The following RBFOX1 variants were observed in gnomAD, a reference collection of about 807,000 sequenced individuals.
RBFOX1 encodes RNA binding protein fox-1 homolog 1.
A neutral mutation model predicts 57.7 loss-of-function variants in RBFOX1; 8 were observed. The observed-to-expected ratio is 0.14, with a 90% CI of 0.08 to 0.25. The LOEUF is 0.25. RBFOX1 is among the 10% of genes least tolerant of loss of function. The pLI is 1.00. For synonymous variants in RBFOX1, 326 were observed against 222.4 expected, an observed-to-expected ratio of 1.47 and a Z score of -4.15; for missense variants, 611 against 548.5, an observed-to-expected ratio of 1.11 and a Z score of -1.14.
In RBFOX1 at chr16:6,756,752, A is replaced by G. The variant is rs182994917; in HGVS notation, c.-16+102102A>G. On this transcript the variant is annotated intron_variant, in intron 3 of 15. Coordinates refer to ENST00000550418, the MANE Select transcript of RBFOX1 (RefSeq NM_018723.4). ...TTTGGGAGGCTGAGGCAGGGGGGTC[A>G]TGTGAGGTCAGGAGTTCGAGACCAG... 3.8e-3 allele frequency among the ~76,000 whole-genome samples: 584 copies of G among 152,212 alleles called. 2 individuals carry two copies. The highest frequency in any genetic ancestry group is 0.013 in the African/African-American group (550 of 41,540).
At chr16:5,908,297 TATATACACAC>T (rs2058524477) in intron 4 of RBFOX1, among the ~76,000 whole-genome samples, 1 of 143,794 alleles carries the variant, frequency 7.0e-6, no homozygotes, top group African/African-American at 2.7e-5. Context: ...TACACATATA[TATATACACAC>T]ATATATACAC....
rs559157963 is a variant in RBFOX1 at position 6,287,293 on chromosome 16, G to C, written c.-126-29702G>C. Among the ~76,000 whole-genome samples the C allele has an allele frequency of 4.6e-5, 7 of 152,308 alleles. No homozygotes were observed. In the South Asian group the frequency reaches 1.2e-3, roughly 27 times the overall value. The stretch of plus-strand genomic sequence containing the variant: ...TGGCCAACGAGTGCCACCAAAAATA[G>C]TCATGGTGTTGCCAGCTCTATCTTG... On this transcript the variant is annotated intron_variant, in intron 1 of 15. Transcript: ENST00000550418.
At chr16:7,005,247 C>T (rs1035386714) in intron 3 of RBFOX1, among the ~76,000 whole-genome samples, 3 of 152,164 alleles carry the variant, frequency 2.0e-5, no homozygotes, top group Non-Finnish European at 4.4e-5. Flanking sequence ...GTGCTAATAG[C>T]TTTCCCCTTA....
intron 5 of RBFOX1, among the ~76,000 whole-genome samples, chr16:7,566,394 A>G (rs975966281): frequency 1.3e-4 from 20 of 152,164 alleles, no homozygotes; most frequent in Non-Finnish European, 2.5e-4. Context: ...TGTACTTTGC[A>G]GCTGCTCTAC....
chr16:6,651,964 A>G (rs954080992), intron 2 of RBFOX1, among the ~76,000 whole-genome samples: 6 of 152,222 alleles, frequency 3.9e-5, no homozygotes, highest in Admixed American at 2.6e-4. Flanking sequence ...TAAGCCAGGC[A>G]CAGAAGGACA....
intron 3 of RBFOX1, among the ~76,000 whole-genome samples, chr16:6,819,736 A>AAAC (rs2090928570): frequency 1.3e-5 from 1 of 78,468 alleles, no homozygotes; most frequent in East Asian, 3.7e-4. Context: ...AAAAAATAAC[A>AAAC]ACACCAAAAG....
At chr16:5,410,569 G>A (rs1489040509) in intron 1 of RBFOX1, among the ~76,000 whole-genome samples, 2 of 152,200 alleles carry the variant, frequency 1.3e-5, no homozygotes, top group East Asian at 3.9e-4. Flanking sequence ...CATTCCTGCA[G>A]GAGAAACGTC....
intron 4 of RBFOX1, among the ~76,000 whole-genome samples, chr16:7,439,155 T>C (rs1224681635): frequency 6.6e-6 from 1 of 152,174 alleles, no homozygotes; most frequent in Admixed American, 6.5e-5. Flanking sequence ...AAGTCTTCTT[T>C]ACGCAGGCCT....
At chr16:5,404,852 C>A (rs555090215) in intron 1 of RBFOX1, among the ~76,000 whole-genome samples, 5 of 152,278 alleles carry the variant, frequency 3.3e-5, no homozygotes, top group African/African-American at 9.6e-5. Context: ...AGCCATGAAA[C>A]CACCAAAGTC....
rs111265531 is a variant in RBFOX1, at chr16:6,270,101, A to G, written c.-126-46894A>G. On this transcript the variant is annotated intron_variant, in intron 1 of 15. Transcript: ENST00000550418. ...AAAAGGAGATTCACTCAAACAGACT[A>G]TAGGCAAATTAAAATTTAATTATGA... Among the ~76,000 whole-genome samples, 1,150 of 152,268 alleles carry G rather than the reference A, an allele frequency of 7.6e-3. 14 individuals carry two copies. Among genetic ancestry groups the G allele is most frequent in the African/African-American group, 0.025 (1,056 of 41,564 alleles).
chr16:5,595,682 C>T (rs1567274559), intron 2 of RBFOX1, among the ~76,000 whole-genome samples: 1 of 152,198 alleles, frequency 6.6e-6, no homozygotes, highest in Admixed American at 6.5e-5. Context: ...CAGTATCAGA[C>T]AGCCACTACC....
chr16:6,831,048 T>G (rs907180461), intron 3 of RBFOX1, among the ~76,000 whole-genome samples: 1 of 152,256 alleles, frequency 6.6e-6, no homozygotes, highest in Non-Finnish European at 1.5e-5. Flanking sequence ...TCACTCTTTT[T>G]GCTCTAATCA....
chr16:5,974,111 G>GAAT, intron 4 of RBFOX1, among the ~76,000 whole-genome samples: 1 of 152,216 alleles, frequency 6.6e-6, no homozygotes, highest in East Asian at 1.9e-4. Context: ...AGCCCAGTGA[G>GAAT]AATAGAATAC....
intron 1 of RBFOX1, among the ~76,000 whole-genome samples, chr16:6,093,196 T>G (rs1342127773): frequency 6.6e-6 from 1 of 152,174 alleles, no homozygotes; most frequent in Non-Finnish European, 1.5e-5. Flanking sequence ...GGAGATGAGT[T>G]TAAGTCCTCA....
intron 3 of RBFOX1, among the ~76,000 whole-genome samples, chr16:6,743,363 C>G (rs1245090517): frequency 1.3e-5 from 2 of 152,126 alleles, no homozygotes; most frequent in African/African-American, 2.4e-5. Flanking sequence ...ATACTCAGTT[C>G]AAAGGCAGAG....
At chr16:7,155,864 G>C (rs750188642) in intron 4 of RBFOX1, among the ~76,000 whole-genome samples, 1 of 151,228 alleles carries the variant, frequency 6.6e-6, no homozygotes, top group Non-Finnish European at 1.5e-5. Context: ...ACCATATGTA[G>C]TGGTCATAAA....
intron 3 of RBFOX1, among the ~76,000 whole-genome samples, chr16:5,856,183 C>CTATATA (rs1299997922): frequency 3.7e-3 from 170 of 45,842 alleles, no homozygotes; most frequent in Non-Finnish European, 5.6e-3. Context: ...CTCTCTCTCT[C>CTATATA]TCTCTATATA....
intron 1 of RBFOX1, among the ~76,000 whole-genome samples, chr16:5,370,689 C>G (rs573328042): frequency 8.3e-4 from 126 of 151,956 alleles, no homozygotes; most frequent in African/African-American, 2.9e-3. Flanking sequence ...GAGACAGAGT[C>G]TCTGTGTTGC....
Position 6,447,914 on chromosome 16 carries a change from G to A in RBFOX1, c.-64+130857G>A, listed in dbSNP as rs772459447. Among the ~76,000 whole-genome samples, 9 of 152,042 alleles carry A rather than the reference G, an allele frequency of 5.9e-5. No individual in the cohort carries two copies. In the South Asian group the frequency reaches 8.3e-4, roughly 14 times the overall value. Reference sequence around the variant, plus strand: ...TGTTCAAGGGAGTGACATCACACACGCTGTCATCCTTACATCAGTTAATTA... The same window carrying A: ...TGTTCAAGGGAGTGACATCACACACACTGTCATCCTTACATCAGTTAATTA... On this transcript the variant is annotated intron_variant, in intron 2 of 15. Coordinates refer to ENST00000550418, the MANE Select transcript of RBFOX1 (RefSeq NM_018723.4).
Sources: allele counts gnomAD v4.1 joint callset (sites outside exome capture counted in the v4.1 genomes callset), GRCh38; gene constraint gnomAD v4.1.1; transcripts MANE v1.5; gene names NCBI Gene and HGNC (gene_info 2026-07-23, HGNC 2026-07-21).